Variants in KLHL22 observed in about 807,000 individuals in gnomAD.
The protein encoded by KLHL22 is kelch like family member 22.
Under a neutral mutation model 60.7 loss-of-function variants are expected in KLHL22, and 18 were observed. The observed-to-expected ratio is 0.30, with a 90% confidence interval of 0.20 to 0.44. The LOEUF (loss-of-function observed/expected upper bound fraction) is 0.44, where lower values mean the gene tolerates loss of function less well. Ranked by LOEUF, KLHL22 falls within the 20% of genes least tolerant of loss-of-function variation. KLHL22 has a pLI of 1.00. For missense variants in KLHL22, 596 were observed against 852.3 expected (o/e 0.70, Z 3.74); for synonymous variants, 355 against 354.5 (o/e 1.00, Z -0.01).
chr22:20,482,677 G>A, intron 2 of KLHL22: 1 of 544,402 alleles, frequency 1.8e-6, no homozygotes, highest in Non-Finnish European at 3.3e-6. Context: ...GGTTCAAGCG[G>A]TACTTCTGCC....
At chr22:20,455,019 C>A (rs1029606377) in intron 5 of KLHL22, among the ~76,000 whole-genome samples, 1 of 152,102 alleles carries the variant, frequency 6.6e-6, no homozygotes, top group Admixed American at 6.5e-5. Flanking sequence ...GTAGCTGGGA[C>A]TATAGGCGCC....
At chr22:20,483,986 C>T in intron 2 of KLHL22, 1 of 704,802 alleles carries the variant, frequency 1.4e-6, no homozygotes, top group African/African-American at 1.8e-5. Context: ...AACCAGAGCC[C>T]TCGGTGCCTG....
At chr22:20,483,988 C>T (rs1339054022) in intron 2 of KLHL22, 33 of 703,806 alleles carry the variant, frequency 4.7e-5, no homozygotes, top group Non-Finnish European at 8.1e-5. Context: ...CCAGAGCCCT[C>T]GGTGCCTGCA....
At chr22:20,468,872 T>C (rs2146229781) in intron 3 of KLHL22, among the ~76,000 whole-genome samples, 1 of 152,212 alleles carries the variant, frequency 6.6e-6, no homozygotes, top group East Asian at 1.9e-4. Flanking sequence ...CCCAGGCTGA[T>C]CTCAAACTCC....
chr22:20,484,003 C>T (rs576032324), intron 2 of KLHL22: 14 of 718,790 alleles, frequency 1.9e-5, no homozygotes, highest in South Asian at 4.3e-5. Flanking sequence ...CCTGCATAGA[C>T]GCTGGCCACG....
intron 2 of KLHL22, among the ~76,000 whole-genome samples, chr22:20,479,575 T>G (rs545784818): frequency 5.2e-4 from 79 of 151,722 alleles, no homozygotes; most frequent in Non-Finnish European, 1.1e-3. Context: ...GGCATGGTGG[T>G]GCATGCCTAT....
At position 20,446,433 on chromosome 22, in the gene KLHL22, C is replaced by G. The variant is rs2052862001; in HGVS notation, c.1539+10G>C. 1 of 1,534,826 alleles carries G rather than the reference C, an allele frequency of 6.5e-7. No individual in the cohort carries two copies. The highest frequency in any genetic ancestry group is 1.7e-5 in the Admixed American group (1 of 57,856). ...GATGACGGGTGTGGACTGCCCCGGG[C>G]CCCACTCACCTGGTGCACGTCCCTC... is the stretch of plus-strand genomic sequence containing the variant. On this transcript the variant is annotated intron_variant, in intron 6 of 6. Transcript: ENST00000328879.
In KLHL22 at chr22:20,465,003, G is replaced by A; in HGVS notation, c.967C>T (p.Pro323Ser). The A allele has an allele frequency of 1.2e-6, 2 of 1,612,126 alleles. No individual in the cohort carries two copies. The highest frequency in any genetic ancestry group is 1.7e-6 in the Non-Finnish European group (2 of 1,179,040). The change falls in exon 4 of 7, where the codon CCC becomes TCC. Residue 323 changes from proline (P) to serine (S), a missense_variant. Transcript: ENST00000328879. This position sits in a 1 kb window ranked among gnomAD's most constrained non-coding sequence, Gnocchi z 4.9. ...AAGTGCTTCCACTCTCCCAGTAAGG[G>A]GTTTAGATACTTGGCCTGGTCGCTG... is the stretch of plus-strand genomic sequence containing the variant. ...VLSDQAKYLN[P>S]LLGEWKHFTA...
In KLHL22 at chr22:20,442,136, G is replaced by T. The variant is rs777544882; in HGVS notation, c.1842C>A (p.Asp614Glu). Reference sequence around the variant, plus strand: ...ACACACTCATCACCTCAGAGGCAAAGTCCGGGTCGGCCTGGCTGCGGTCAG... The same window carrying T: ...ACACACTCATCACCTCAGAGGCAAATTCCGGGTCGGCCTGGCTGCGGTCAG... ...GTPDRSQADPDFASEVMSVSD... is the reference protein window; with the variant it reads ...GTPDRSQADPEFASEVMSVSD... The change falls in exon 7 of 7, where the codon GAC becomes GAA. Residue 614 changes from aspartate (D) to glutamate (E), a missense_variant. Coordinates refer to ENST00000328879, the MANE Select transcript of KLHL22 (RefSeq NM_032775.4). 6.5e-7 allele frequency: 1 copy of T among 1,538,782 alleles called. No homozygotes were observed. The highest frequency in any genetic ancestry group is 8.8e-7 in the Non-Finnish European group (1 of 1,141,416).
chr22:20,475,202 A>T (rs1255226380), intron 2 of KLHL22: 2 of 144,478 alleles, frequency 1.4e-5, no homozygotes, highest in African/African-American at 5.1e-5. Context: ...TTTTTTTTTA[A>T]ACAAGTCTAG....
At chr22:20,446,933 C>A (rs895816125) in intron 5 of KLHL22, among the ~76,000 whole-genome samples, 1 of 152,178 alleles carries the variant, frequency 6.6e-6, no homozygotes, top group African/African-American at 2.4e-5. Context: ...CTTTCCTTTG[C>A]TCCTAAAGTT....
At chr22:20,459,576 G>C (rs2146203314) in intron 4 of KLHL22, among the ~76,000 whole-genome samples, 1 of 152,330 alleles carries the variant, frequency 6.6e-6, no homozygotes, top group South Asian at 2.1e-4. Flanking sequence ...AGCATGAAAA[G>C]TGTCCTTGTT....
chr22:20,444,693 G>C (rs528325456), intron 6 of KLHL22, among the ~76,000 whole-genome samples: 2 of 152,232 alleles, frequency 1.3e-5, no homozygotes, highest in African/African-American at 4.8e-5. Flanking sequence ...AGACACAAGA[G>C]GGGATGATGA....
At chr22:20,485,898 G>A (rs1454344335) in intron 2 of KLHL22, among the ~76,000 whole-genome samples, 2 of 151,162 alleles carry the variant, frequency 1.3e-5, no homozygotes, top group East Asian at 2.0e-4. Flanking sequence ...TGGGCGTGGT[G>A]TGGCTCACAC....
chr22:20,457,899 G>A lies in KLHL22; in HGVS notation c.1214C>T (p.Ala405Val). The A allele has an allele frequency of 3.1e-6, 5 of 1,613,412 alleles. No individual in the cohort carries two copies. Among genetic ancestry groups the A allele is most frequent in the Non-Finnish European group, 4.2e-6 (5 of 1,179,800 alleles). ...CVVGRYIYAVAGRDYHNDLNA... is the reference protein window; with the variant it reads ...CVVGRYIYAVVGRDYHNDLNA... The stretch of plus-strand genomic sequence containing the variant: ...CAGGTCATTGTGGTAGTCACGGCCC[G>A]CCACAGCGTAGATGTACCTGCCTAC... The change falls in exon 5 of 7, where the codon GCG becomes GTG. Residue 405 changes from alanine to valine, a missense_variant. By Grantham distance (64) the Ala-to-Val change is moderately conservative. Coordinates refer to ENST00000328879, the MANE Select transcript of KLHL22 (RefSeq NM_032775.4).
chr22:20,478,855 C>T (rs776379893), intron 2 of KLHL22, among the ~76,000 whole-genome samples: 26 of 145,612 alleles, frequency 1.8e-4, no homozygotes, highest in Non-Finnish European at 1.7e-4. Flanking sequence ...TGGGGCTGGG[C>T]GCGGTGGCTC....
chr22:20,492,758 T>G (rs2053711546), intron 1 of KLHL22, among the ~76,000 whole-genome samples: 1 of 151,864 alleles, frequency 6.6e-6, no homozygotes, highest in African/African-American at 2.4e-5. Context: ...CCCAGCTAAT[T>G]TTCTTGCATT....
chr22:20,485,962 T>A (rs1435630674), intron 2 of KLHL22, among the ~76,000 whole-genome samples: 2 of 150,868 alleles, frequency 1.3e-5, no homozygotes, highest in African/African-American at 4.9e-5. Flanking sequence ...AGGTCAGGAG[T>A]TCGAGATCAG....
At chr22:20,450,915 T>C (rs1442574351) in intron 5 of KLHL22, 14 of 1,612,466 alleles carry the variant, frequency 8.7e-6, no homozygotes, top group East Asian at 6.7e-5. Flanking sequence ...AACTTCAGAG[T>C]CAGATGCAGG....
Sources: allele counts gnomAD v4.1 joint callset (sites outside exome capture counted in the v4.1 genomes callset), GRCh38; gene constraint gnomAD v4.1.1; non-coding constraint Gnocchi (gnomAD v3.1); transcripts MANE v1.5; gene names NCBI Gene and HGNC (gene_info 2026-07-23, HGNC 2026-07-21).